EPYC: variants seen among roughly 807,000 people sequenced by gnomAD.
The protein encoded by EPYC is dermatan sulfate proteoglycan 3.
A neutral mutation model predicts 30.1 loss-of-function variants in EPYC; 28 were observed. That is an observed-to-expected ratio of 0.93 (90% CI 0.69 to 1.28). The LOEUF (loss-of-function observed/expected upper bound fraction) is 1.28. Among genes scored for constraint, EPYC ranks in the 50% most tolerant of loss-of-function variants. The pLI, the probability that EPYC is intolerant of heterozygous loss-of-function variation, is 0.00. For missense variants in EPYC, 382 were observed against 383.5 expected (o/e 1.00, Z 0.03); for synonymous variants, 144 against 141.4 (o/e 1.02, Z -0.13).
intron 1 of EPYC, among the ~76,000 whole-genome samples, chr12:91,003,411 A>G (rs1438576928): frequency 6.6e-6 from 1 of 152,088 alleles, no homozygotes; most frequent in Non-Finnish European, 1.5e-5. Context: ...CTATTTGGTA[A>G]GATTCCCTTG....
At chr12:90,986,635 G>A (rs563683895) in intron 2 of EPYC, among the ~76,000 whole-genome samples, 4 of 152,116 alleles carry the variant, frequency 2.6e-5, no homozygotes, top group African/African-American at 9.7e-5. Context: ...GAGAGCACAC[G>A]GTGGAGGGGA....
In EPYC at chr12:90,964,239, A is replaced by T. The variant is rs774914143; in HGVS notation, c.886T>A (p.Leu296Met). 6.2e-7 allele frequency: 1 copy of T among 1,613,620 alleles called. No homozygotes were observed. Among genetic ancestry groups the T allele is most frequent in the African/African-American group, 1.3e-5 (1 of 74,934 alleles). ...YIRKALEDIR[L>M]DGNPINLSKT... Reference sequence around the variant, plus strand: ...CTGAGATTAATAGGGTTTCCATCCAATCGAATGTCCTCTAGTGCCTTACGA... The same window carrying T: ...CTGAGATTAATAGGGTTTCCATCCATTCGAATGTCCTCTAGTGCCTTACGA... Residue 296 changes from leucine (L) to methionine (M), a missense_variant, in exon 7 of 7, where the codon TTG becomes ATG. By Grantham distance (15) the Leu-to-Met change is conservative. Transcript: ENST00000261172.
intron 2 of EPYC, among the ~76,000 whole-genome samples, chr12:90,996,386 T>A (rs932613120): frequency 6.6e-6 from 1 of 151,866 alleles, no homozygotes; most frequent in Non-Finnish European, 1.5e-5. Context: ...TTTTTAAAAA[T>A]TTTATTTTTA....
intron 3 of EPYC, among the ~76,000 whole-genome samples, chr12:90,977,080 A>G (rs574018258): frequency 1.3e-4 from 20 of 152,216 alleles, no homozygotes; most frequent in Admixed American, 1.2e-3. Flanking sequence ...TTCTATGTCT[A>G]TCTTCCTGTG....
At chr12:90,997,606 A>G (rs562630583) in intron 2 of EPYC, among the ~76,000 whole-genome samples, 9 of 152,242 alleles carry the variant, frequency 5.9e-5, no homozygotes, top group East Asian at 3.9e-4. Context: ...AAGAATATCA[A>G]CTTTTGAACA....
chr12:90,977,038 A>G (rs7961872), intron 3 of EPYC, among the ~76,000 whole-genome samples: 100,169 of 152,032 alleles, frequency 0.66, 35,948 homozygotes, highest in East Asian at 0.8. Context: ...ATGAAAATGG[A>G]TTAATACATA....
At chr12:90,996,832 T>C (rs956069934) in intron 2 of EPYC, among the ~76,000 whole-genome samples, 13 of 152,184 alleles carry the variant, frequency 8.5e-5, no homozygotes, top group African/African-American at 2.9e-4. Flanking sequence ...AGTTATTTAC[T>C]GATGAATGCA....
At chr12:91,001,045 A>G (rs1877810521) in intron 2 of EPYC, among the ~76,000 whole-genome samples, 2 of 152,092 alleles carry the variant, frequency 1.3e-5, no homozygotes, top group African/African-American at 4.8e-5. Flanking sequence ...AAATGTGCAG[A>G]AGAAAAATAA....
chr12:90,964,538 G>A (rs1876846886), intron 6 of EPYC, among the ~76,000 whole-genome samples: 1 of 152,146 alleles, frequency 6.6e-6, no homozygotes, highest in African/African-American at 2.4e-5. Flanking sequence ...ACTTCAGTAA[G>A]AGAAATACAA....
intron 2 of EPYC, among the ~76,000 whole-genome samples, chr12:90,989,781 G>C (rs997196761): frequency 6.6e-6 from 1 of 151,936 alleles, no homozygotes; most frequent in Non-Finnish European, 1.5e-5. Context: ...TCACCAGAAA[G>C]AGTTTCTACT....
At chr12:90,970,810 A>G (rs1223182409) in intron 5 of EPYC, among the ~76,000 whole-genome samples, 1 of 152,214 alleles carries the variant, frequency 6.6e-6, no homozygotes, top group Non-Finnish European at 1.5e-5. Context: ...CCCAGTGGTT[A>G]TGAGGCCACA....
Position 90,970,123 on chromosome 12 carries a change from T to TG in EPYC, c.718dup (p.His240ProfsTer7), listed in dbSNP as rs1877001428. On this transcript the variant is annotated frameshift_variant, in exon 6 of 7. Transcript: ENST00000261172. LOFTEE classifies it high-confidence loss of function. ...GTTGTTATCAGTGAGGTACAGATGA[T>TG]GGAGATCATACATGTCCTGTAAACA... The TG allele has an allele frequency of 1.2e-6, 2 of 1,613,314 alleles. No individual in the cohort carries two copies. The highest frequency in any genetic ancestry group is 4.5e-5 in the East Asian group (2 of 44,856).
intron 6 of EPYC, among the ~76,000 whole-genome samples, chr12:90,964,619 G>T (rs527970859): frequency 1.3e-5 from 2 of 152,154 alleles, no homozygotes; most frequent in Admixed American, 6.6e-5. Context: ...GAAGAAAATA[G>T]GATGACTATG....
rs768947372 is a variant in EPYC, at chr12:90,971,946, C to A, written c.556G>T (p.Ala186Ser). The A allele has an allele frequency of 3.7e-6, 6 of 1,609,624 alleles. No individual in the cohort carries two copies. The African/African-American group carries it at 5.3e-5, about 14-fold the overall frequency. ...SNLISEIDED[A>S]FRKLPQLREL... ...CGAAGTTGAGGCAGTTTTCGGAATG[C>A]ATCTTCATCAATCTCAGATATTAAA... is the stretch of plus-strand genomic sequence containing the variant. The change falls in exon 5 of 7, where the codon GCA becomes TCA. Residue 186 changes from alanine (A) to serine (S), a missense_variant. Ala to Ser is a moderately conservative substitution (Grantham distance 99). Transcript: ENST00000261172.
At chr12:91,002,223 T>C (rs1009159154) in intron 2 of EPYC, among the ~76,000 whole-genome samples, 178 bp downstream of exon 2, 2 of 131,934 alleles carry the variant, frequency 1.5e-5, no homozygotes, top group African/African-American at 5.5e-5. Flanking sequence ...GGCAAAAGAC[T>C]GTTCCGGTAT....
intron 5 of EPYC, among the ~76,000 whole-genome samples, chr12:90,971,413 T>C (rs540695619): frequency 1.6e-4 from 24 of 152,216 alleles, no homozygotes; most frequent in African/African-American, 5.3e-4. Flanking sequence ...CTCACACCTA[T>C]AATCCCAGTA....
At chr12:90,975,533 T>G (rs528931225) in intron 3 of EPYC, among the ~76,000 whole-genome samples, 87 of 152,180 alleles carry the variant, frequency 5.7e-4, no homozygotes, top group African/African-American at 2.0e-3. Context: ...CTCAGAGTAC[T>G]TTAGAAACAA....
intron 2 of EPYC, among the ~76,000 whole-genome samples, chr12:90,983,321 C>A (rs995613994): frequency 1.3e-4 from 20 of 152,136 alleles, no homozygotes; most frequent in African/African-American, 4.8e-4. Context: ...GCGGTGAGTA[C>A]CATTGGACCC....
At chr12:90,989,968 A>T (rs1398763397) in intron 2 of EPYC, among the ~76,000 whole-genome samples, 1 of 152,054 alleles carries the variant, frequency 6.6e-6, no homozygotes, top group African/African-American at 2.4e-5. Flanking sequence ...GTCAGTTCAT[A>T]TTCCCTACCC....
Sources: allele counts gnomAD v4.1 joint callset (sites outside exome capture counted in the v4.1 genomes callset), GRCh38; gene constraint gnomAD v4.1.1; transcripts MANE v1.5; gene names NCBI Gene and HGNC (gene_info 2026-07-23, HGNC 2026-07-21).